Variants in DLGAP2 observed in about 807,000 individuals in gnomAD.
DLGAP2 encodes the protein disks large-associated protein 2.
Under a neutral mutation model 100.3 loss-of-function variants are expected in DLGAP2, and 26 were observed. That is an observed-to-expected ratio of 0.26 (90% CI 0.19 to 0.36). The LOEUF (loss-of-function observed/expected upper bound fraction) is 0.36. Among genes scored for constraint, DLGAP2 ranks in the 10% least tolerant of loss-of-function variants. The probability of loss-of-function intolerance (pLI) is 1.00; values close to 1 mark genes in which losing one functional copy is unlikely to be tolerated. For synonymous variants in DLGAP2, 886 were observed against 630.1 expected (o/e 1.41, Z -6.08); for missense variants, 1,858 against 1,453.2 (o/e 1.28, Z -4.53).
At chr8:1,658,808 GT>G (rs1449645380) in intron 8 of DLGAP2, among the ~76,000 whole-genome samples, 1 of 152,058 alleles carries the variant, frequency 6.6e-6, no homozygotes, top group Non-Finnish European at 1.5e-5. Flanking sequence ...TGTTTGGAAG[GT>G]TTTTTTGTGT....
intron 6 of DLGAP2, among the ~76,000 whole-genome samples, chr8:1,569,846 G>T (rs1236651053): frequency 1.3e-5 from 2 of 151,914 alleles, no homozygotes; most frequent in African/African-American, 4.8e-5. Context: ...TCTGCGGAGG[G>T]CAGGATAGAT....
At chr8:908,326 T>C (rs1026893108) in intron 2 of DLGAP2, among the ~76,000 whole-genome samples, 12 of 152,330 alleles carry the variant, frequency 7.9e-5, no homozygotes, top group South Asian at 4.2e-4. Context: ...ACCATTCTTA[T>C]TGGCTAGAGA....
At chr8:904,293 G>A (rs1051708156) in intron 1 of DLGAP2, among the ~76,000 whole-genome samples, 5 of 152,190 alleles carry the variant, frequency 3.3e-5, no homozygotes, top group African/African-American at 1.2e-4. Context: ...GCCGAGGTGG[G>A]TGGATTGCTT....
At chr8:1,177,553 C>A (rs756332415) in intron 2 of DLGAP2, among the ~76,000 whole-genome samples, 1 of 152,180 alleles carries the variant, frequency 6.6e-6, no homozygotes, top group African/African-American at 2.4e-5. Flanking sequence ...TTGTTTGTGT[C>A]TTTACTCTTA....
At chr8:1,359,222 G>C (rs948552368) in intron 3 of DLGAP2, among the ~76,000 whole-genome samples, 2 of 152,122 alleles carry the variant, frequency 1.3e-5, no homozygotes, top group Non-Finnish European at 2.9e-5. Context: ...AACTCAACAG[G>C]AAAATCCACC....
At chr8:912,193 G>A (rs996698144) in intron 2 of DLGAP2, among the ~76,000 whole-genome samples, 1 of 152,116 alleles carries the variant, frequency 6.6e-6, no homozygotes, top group Admixed American at 6.5e-5. Flanking sequence ...AATAAGAAGT[G>A]AATAATGAAA....
intron 1 of DLGAP2, among the ~76,000 whole-genome samples, chr8:751,315 A>T (rs1292250693): frequency 6.7e-6 from 1 of 148,644 alleles, no homozygotes; most frequent in Non-Finnish European, 1.5e-5. Flanking sequence ...CCACCCTCTC[A>T]CGGAAAGGAG....
intron 6 of DLGAP2, 78 bp from the exon 7 acceptor site, chr8:1,626,662 G>T (rs1797509479): frequency 6.5e-7 from 1 of 1,528,292 alleles, no homozygotes; most frequent in Non-Finnish European, 8.8e-7. Flanking sequence ...CTCTGGGTGT[G>T]GGTTGGATGG....
intron 1 of DLGAP2, among the ~76,000 whole-genome samples, chr8:823,176 T>G (rs1414129482): frequency 6.6e-6 from 1 of 152,096 alleles, no homozygotes; most frequent in Non-Finnish European, 1.5e-5. Context: ...CTCTACCCAC[T>G]TGGTGGCCTC....
intron 1 of DLGAP2, among the ~76,000 whole-genome samples, chr8:746,868 G>T (rs1820629265): frequency 6.6e-6 from 1 of 152,186 alleles, no homozygotes; most frequent in Non-Finnish European, 1.5e-5. Context: ...GCGGACGCTG[G>T]TCCTGAAGGC....
At chr8:740,056 G>T (rs947174776) in intron 1 of DLGAP2, 11 of 152,178 alleles carry the variant, frequency 7.2e-5, no homozygotes, top group African/African-American at 2.7e-4. Context: ...CTTGGTGATC[G>T]CCCGTGTTCT....
At chr8:1,093,146 C>A (rs1267553150) in intron 2 of DLGAP2, among the ~76,000 whole-genome samples, 1 of 152,198 alleles carries the variant, frequency 6.6e-6, no homozygotes, top group Non-Finnish European at 1.5e-5. Flanking sequence ...GGGTGAGGCC[C>A]ACGGTATGAG....
At position 1,058,180 on chromosome 8, in the gene DLGAP2, T is replaced by C. The variant is rs972879195; in HGVS notation, c.73+150214T>C. 3.3e-5 allele frequency among the ~76,000 whole-genome samples: 5 copies of C among 152,104 alleles called. 1 individual carries two copies. On this transcript the variant is annotated intron_variant, in intron 2 of 14. Transcript: ENST00000637795. ...CGGCGGGTCTGGGGGCGCGGCCGGA[T>C]TGACTAGCGGCGGGTCTGGGGGTGT...
At chr8:759,670 G>A (rs944875132) in intron 1 of DLGAP2, among the ~76,000 whole-genome samples, 3 of 152,170 alleles carry the variant, frequency 2.0e-5, no homozygotes, top group Non-Finnish European at 2.9e-5. Context: ...CCCCCAGGGC[G>A]GTTTCCCCAT....
At chr8:1,441,966 G>C (rs1388003262) in intron 3 of DLGAP2, among the ~76,000 whole-genome samples, 1 of 152,148 alleles carries the variant, frequency 6.6e-6, no homozygotes, top group East Asian at 1.9e-4. Context: ...GCAGGGACAG[G>C]GATGGAGCTG....
rs555594942 is a variant in DLGAP2 at position 1,319,074 on chromosome 8, A to G, written c.106+60191A>G. Among the ~76,000 whole-genome samples the G allele has an allele frequency of 4.9e-4, 75 of 152,088 alleles. No homozygotes were observed. The South Asian group carries it at 5.0e-3, about 10-fold the overall frequency. On this transcript the variant is annotated intron_variant, in intron 3 of 14. Coordinates refer to ENST00000637795, the MANE Select transcript of DLGAP2 (RefSeq NM_001346810.2). ...CCTGTTGCTCGTTGAAGCAGAATGG[A>G]GACTTGGCGGGATTAGCGGCCTCTG...
At chr8:1,680,986 C>T (rs1798929767) in intron 12 of DLGAP2, 1 of 152,192 alleles carries the variant, frequency 6.6e-6, no homozygotes, top group African/African-American at 2.4e-5. Context: ...CTCAATCAAG[C>T]TGTGTTTTCT....
intron 2 of DLGAP2, among the ~76,000 whole-genome samples, chr8:1,230,084 AGATGATAT>A (rs201214209): frequency 0.021 from 3,251 of 152,290 alleles, 109 homozygotes; most frequent in African/African-American, 0.074. Flanking sequence ...TTGTCTTCAC[AGATGATAT>A]GATTCTATAC....
chr8:818,144 G>A (rs978468830), intron 1 of DLGAP2, among the ~76,000 whole-genome samples: 7 of 152,202 alleles, frequency 4.6e-5, no homozygotes, highest in Non-Finnish European at 1.0e-4. Flanking sequence ...GCATGTCTGA[G>A]CTCAGACTCT....
Sources: allele counts gnomAD v4.1 joint callset (sites outside exome capture counted in the v4.1 genomes callset), GRCh38; gene constraint gnomAD v4.1.1; transcripts MANE v1.5; gene names NCBI Gene and HGNC (gene_info 2026-07-23, HGNC 2026-07-21).